OPHN1: variants seen among roughly 807,000 people sequenced by gnomAD.
The protein encoded by OPHN1 is oligophrenin 1, also known as oligophrenin-1.
OPHN1 carries 11 observed loss-of-function variants against 60.7 expected under a neutral mutation model. The observed-to-expected ratio is 0.18, with a 90% confidence interval of 0.11 to 0.30. The LOEUF (loss-of-function observed/expected upper bound fraction) is 0.30, where lower values mean the gene tolerates loss of function less well. Ranked by LOEUF, OPHN1 falls within the 10% of genes least tolerant of loss-of-function variation. OPHN1 has a pLI of 1.00. For missense variants in OPHN1, 449 were observed against 611.0 expected (o/e 0.73, Z 2.80); for synonymous variants, 226 against 222.6 (o/e 1.02, Z -0.14).
chrX:68,176,322 ACCT>A (rs1176049836), intron 15 of OPHN1, among the ~76,000 whole-genome samples: 2 of 111,493 alleles, frequency 1.8e-5, no homozygotes, highest in African/African-American at 6.5e-5. Context: ...ATATATAAAG[ACCT>A]CCTAAATCTC....
chrX:68,423,411 G>A (rs2078839971), intron 2 of OPHN1, among the ~76,000 whole-genome samples: 1 of 110,027 alleles, frequency 9.1e-6, no homozygotes, highest in Admixed American at 9.7e-5. Flanking sequence ...TAAGACAAGC[G>A]CCTGTCACCT....
At chrX:68,167,661 A>G (rs756244856) in intron 15 of OPHN1, among the ~76,000 whole-genome samples, 4 of 108,939 alleles carry the variant, frequency 3.7e-5, no homozygotes, top group African/African-American at 6.7e-5. Context: ...ATGCATGTAT[A>G]CATATATATG....
chrX:68,169,694 T>TA (rs1341339290), intron 15 of OPHN1, among the ~76,000 whole-genome samples: 2 of 109,777 alleles, frequency 1.8e-5, no homozygotes, highest in East Asian at 5.6e-4. Context: ...GATTCCCCGT[T>TA]TAATAAATGG....
intron 2 of OPHN1, among the ~76,000 whole-genome samples, chrX:68,341,846 AAAAAG>A (rs2078353561): frequency 9.0e-6 from 1 of 111,316 alleles, no homozygotes; most frequent in Admixed American, 9.6e-5. Flanking sequence ...AAAAAAAAGA[AAAAAG>A]AAAAGAAATA....
chrX:68,428,300 A>T (rs1334686809), intron 2 of OPHN1, among the ~76,000 whole-genome samples: 2 of 111,953 alleles, frequency 1.8e-5, no homozygotes, highest in Non-Finnish European at 3.8e-5. Flanking sequence ...GTAATGCCTG[A>T]CACATGGGAA....
intron 18 of OPHN1, among the ~76,000 whole-genome samples, chrX:68,105,063 TC>T (rs1411433129): frequency 8.9e-6 from 1 of 112,102 alleles, no homozygotes; most frequent in Admixed American, 9.4e-5. Context: ...AGAAAGCTCA[TC>T]ATCATTAGTC....
chrX:68,148,161 T>C (rs2077271337), intron 15 of OPHN1, among the ~76,000 whole-genome samples: 1 of 110,642 alleles, frequency 9.0e-6, no homozygotes, highest in African/African-American at 3.3e-5. Flanking sequence ...AGGAAGATGA[T>C]GACAGGCAAT....
chrX:68,300,225 T>C (rs753063723), intron 2 of OPHN1, among the ~76,000 whole-genome samples: 20 of 111,869 alleles, frequency 1.8e-4, no homozygotes, highest in Admixed American at 1.5e-3. Context: ...TTACTGAGCC[T>C]GAGTATTTGC....
At chrX:68,385,986 G>A in intron 2 of OPHN1, among the ~76,000 whole-genome samples, 1 of 112,113 alleles carries the variant, frequency 8.9e-6, no homozygotes, top group East Asian at 2.8e-4. Context: ...CAAGAGGGTG[G>A]AGTTGGATAG....
At chrX:68,270,628 T>C (rs1456283218) in intron 5 of OPHN1, among the ~76,000 whole-genome samples, 1 of 103,024 alleles carries the variant, frequency 9.7e-6, no homozygotes, top group Non-Finnish European at 2.0e-5. Context: ...TTAGGAGATA[T>C]ACCTAATGTA....
chrX:68,138,058 C>T (rs1248301166), intron 15 of OPHN1, among the ~76,000 whole-genome samples: 1 of 111,821 alleles, frequency 8.9e-6, no homozygotes, highest in East Asian at 2.8e-4. Flanking sequence ...GAACCTTGGC[C>T]AGATCCCAAG....
chrX:68,264,979 G>A (rs909738520), intron 5 of OPHN1, among the ~76,000 whole-genome samples: 1 of 112,573 alleles, frequency 8.9e-6, no homozygotes, highest in East Asian at 2.8e-4. Flanking sequence ...GAGGCTGGGG[G>A]AGGGGCGCCC....
intron 2 of OPHN1, among the ~76,000 whole-genome samples, chrX:68,369,883 CAG>C (rs951925927): frequency 7.5e-5 from 8 of 106,677 alleles, no homozygotes; most frequent in African/African-American, 2.8e-4. Context: ...TGTCAAAAGA[CAG>C]ACAGTCTTGA....
intron 15 of OPHN1, among the ~76,000 whole-genome samples, chrX:68,175,884 G>A (rs2077412293): frequency 8.9e-6 from 1 of 112,047 alleles, no homozygotes; most frequent in Non-Finnish European, 1.9e-5. Context: ...CTGCAGTCCG[G>A]TGGAATAGAA....
intron 3 of OPHN1, among the ~76,000 whole-genome samples, chrX:68,286,275 T>C (rs974489311): frequency 8.9e-6 from 1 of 111,783 alleles, no homozygotes; most frequent in East Asian, 2.8e-4. Context: ...CTCTGGTCAG[T>C]AAGCTTACTG....
chrX:68,265,056 C>A, intron 5 of OPHN1, among the ~76,000 whole-genome samples: 1 of 112,477 alleles, frequency 8.9e-6, no homozygotes. Flanking sequence ...TGGAGCCCAC[C>A]GCAGCTCAAG....
intron 15 of OPHN1, among the ~76,000 whole-genome samples, chrX:68,168,411 C>T (rs1479468875): frequency 8.9e-6 from 1 of 112,377 alleles, no homozygotes; most frequent in Non-Finnish European, 1.9e-5. Context: ...CTACTGGGTA[C>T]ATAATGAAAT....
At chrX:68,416,059 TATATATATAGAGAG>T (rs1193694106) in intron 2 of OPHN1, among the ~76,000 whole-genome samples, 148 of 6,927 alleles carry the variant, frequency 0.021, no homozygotes, top group African/African-American at 0.028. Flanking sequence ...TATATATATA[TATATATATAGAGAG>T]AGAGAGAGAG....
chrX:68,409,722 A>C (rs2078760435), intron 2 of OPHN1, among the ~76,000 whole-genome samples: 1 of 112,268 alleles, frequency 8.9e-6, no homozygotes, highest in Non-Finnish European at 1.9e-5. Context: ...ATGTGAATAC[A>C]CTTTTCTTTT....
Sources: allele counts gnomAD v4.1 joint callset (sites outside exome capture counted in the v4.1 genomes callset), GRCh38; gene constraint gnomAD v4.1.1; transcripts MANE v1.5; gene names NCBI Gene and HGNC (gene_info 2026-07-23, HGNC 2026-07-21).